Variants in FLT1 observed in about 807,000 individuals in gnomAD.
The protein encoded by FLT1 is vascular endothelial growth factor receptor 1.
A neutral mutation model predicts 156.3 loss-of-function variants in FLT1; 49 were observed. The ratio of observed to expected loss-of-function variants is 0.31; its 90% CI spans 0.25 to 0.40. The LOEUF is 0.40. FLT1 is among the 10% of genes least tolerant of loss of function. FLT1 has a pLI of 1.00. For synonymous variants in FLT1, 594 were observed against 583.8 expected, an observed-to-expected ratio of 1.02 and a Z score of -0.25; for missense variants, 1,322 against 1,637.2, an observed-to-expected ratio of 0.81 and a Z score of 3.32.
At chr13:28,337,159 T>G (rs1051770632) in intron 17 of FLT1, among the ~76,000 whole-genome samples, 3 of 152,096 alleles carry the variant, frequency 2.0e-5, no homozygotes, top group African/African-American at 7.2e-5. Flanking sequence ...CTTTTTTTTT[T>G]TTTTAAGATT....
rs913747759 is a variant in FLT1, at chr13:28,430,125, A to G, written c.1031T>C (p.Leu344Pro). 1 of 1,613,912 alleles carries G rather than the reference A, an allele frequency of 6.2e-7. No individual in the cohort carries two copies. Among genetic ancestry groups the G allele is most frequent in the Non-Finnish European group, 8.5e-7 (1 of 1,179,800 alleles). Residue 344 changes from leucine to proline, a missense_variant, in exon 8 of 30, where the codon CTT (leucine) becomes CCT (proline). Leu to Pro is a moderately conservative substitution (Grantham distance 98). Transcript: ENST00000282397. ...AGACCGCTTGCCAGCTACGGTTTCA[A>G]GCACCTGCTGTTTTCGATGTTTCAC... ...ITVKHRKQQVLETVAGKRSYR... is the reference protein window; with the variant it reads ...ITVKHRKQQVPETVAGKRSYR...
intron 14 of FLT1, among the ~76,000 whole-genome samples, chr13:28,382,374 G>A (rs1874115215): frequency 6.6e-6 from 1 of 152,184 alleles, no homozygotes; most frequent in African/African-American, 2.4e-5. Context: ...GGAATATAAA[G>A]TTATAAAATT....
chr13:28,311,447 AC>A, intron 27 of FLT1, 142 bp downstream of exon 27: 1 of 785,918 alleles, frequency 1.3e-6, no homozygotes. Context: ...GTGGTGATCA[AC>A]ATAATCTTTC....
At chr13:28,385,157 T>C (rs1874286284) in intron 13 of FLT1, 126 bp from the exon 14 acceptor site, 3 of 993,554 alleles carry the variant, frequency 3.0e-6, no homozygotes, top group Non-Finnish European at 4.7e-6. Context: ...TTTTCATTTG[T>C]TCACTTTCTC....
At position 28,301,172 on chromosome 13, in the gene FLT1, G is replaced by GA. The variant is rs34252053; in HGVS notation, c.*1994dup. ...ATTTGCTGGGCTATTATCTGATTTG[G>GA]AAAAAAAAAAAAAAGTAGAGAATTG... On this transcript the variant is annotated 3_prime_UTR_variant, in exon 30 of 30. Coordinates refer to ENST00000282397, the MANE Select transcript of FLT1 (RefSeq NM_002019.4). The GA allele has an allele frequency of 0.22, 45,281 of 206,534 alleles. 3,617 individuals are homozygous for GA. The highest frequency in any genetic ancestry group is 0.39 in the African/African-American group (16,620 of 42,916). The allele number at this position is 206,534 out of a possible 1,614,324, so 12.8% of individuals were successfully genotyped here. A position where few individuals can be genotyped will look rare whatever the true frequency, so the allele number is the denominator to read the frequency against.
At chr13:28,401,375 T>A (rs1007988535) in intron 11 of FLT1, among the ~76,000 whole-genome samples, 1 of 152,172 alleles carries the variant, frequency 6.6e-6, no homozygotes, top group Non-Finnish European at 1.5e-5. Context: ...TCTAGGCTCT[T>A]TGGTATGACC....
chr13:28,379,994 A>G (rs777775972), intron 14 of FLT1, among the ~76,000 whole-genome samples: 24 of 152,134 alleles, frequency 1.6e-4, no homozygotes, highest in Non-Finnish European at 2.9e-4. Flanking sequence ...TAACAATGAT[A>G]ATGGACTGGA....
intron 25 of FLT1, among the ~76,000 whole-genome samples, chr13:28,314,983 T>TG (rs1334976629): frequency 6.6e-6 from 1 of 152,186 alleles, no homozygotes; most frequent in African/African-American, 2.4e-5. Context: ...CTGAGTTATT[T>TG]GCGACCACAG....
Position 28,466,982 on chromosome 13 carries a change from G to A in FLT1, c.309C>T (p.Gly103=), listed in dbSNP as rs1436131769. The A allele has an allele frequency of 2.5e-6, 4 of 1,614,050 alleles. No individual in the cohort carries two copies. Among genetic ancestry groups the A allele is most frequent in the Non-Finnish European group, 2.5e-6 (3 of 1,179,900 alleles). The change falls in exon 3 of 30, where the codon GGC becomes GGT. Residue 103 remains glycine (G), a synonymous_variant. Transcript: ENST00000282397. ...TLNTAQANHT[G]FYSCKYLAVP... Reference sequence around the variant, plus strand: ...CAGCTAGATATTTGCAGCTGTAGAAGCCAGTGTGGTTTGCTTGAGCTGTGT... The same window carrying A: ...CAGCTAGATATTTGCAGCTGTAGAAACCAGTGTGGTTTGCTTGAGCTGTGT...
At chr13:28,344,460 A>G (rs1470890376) in intron 16 of FLT1, among the ~76,000 whole-genome samples, 1 of 149,130 alleles carries the variant, frequency 6.7e-6, no homozygotes, top group East Asian at 1.9e-4. Context: ...GGCTGATTAA[A>G]GCCAATCTCC....
chr13:28,352,343 A>G (rs184780565), intron 15 of FLT1, among the ~76,000 whole-genome samples: 45 of 152,308 alleles, frequency 3.0e-4, no homozygotes, highest in African/African-American at 9.9e-4. Context: ...AGTGCACTGC[A>G]TGTTCTATAA....
intron 1 of FLT1, among the ~76,000 whole-genome samples, chr13:28,494,307 C>T (rs1195375368): frequency 6.6e-6 from 1 of 152,246 alleles, no homozygotes. Context: ...CACCAAAGTC[C>T]CGGCCTCAGC....
intron 14 of FLT1, among the ~76,000 whole-genome samples, chr13:28,366,169 T>TA (rs1471929445): frequency 2.0e-5 from 3 of 152,222 alleles, no homozygotes; most frequent in African/African-American, 4.8e-5. Context: ...TCAACTTATA[T>TA]AGATCTACTG....
intron 29 of FLT1, 131 bp from the exon 30 acceptor site, chr13:28,303,499 C>CG (rs943510077): frequency 3.4e-5 from 27 of 789,994 alleles, no homozygotes; most frequent in Admixed American, 1.0e-4. Flanking sequence ...GGAACCCCCC[C>CG]CCCCTCAATT....
intron 19 of FLT1, among the ~76,000 whole-genome samples, chr13:28,329,012 G>A (rs555087898): frequency 1.2e-4 from 18 of 152,302 alleles, no homozygotes; most frequent in African/African-American, 4.1e-4. Flanking sequence ...TGCTACCTCT[G>A]TTGAGAGCTG....
Position 28,372,566 on chromosome 13 carries a change from G to GTATACATA in FLT1, c.2116+12318_2116+12319insTATGTATA, listed in dbSNP as rs1555232433. Reference sequence around the variant, plus strand: ...CATATATTCCTCGTTTAAATAAAATGTATATATATATATATATATATATAT... The same window carrying GTATACATA: ...CATATATTCCTCGTTTAAATAAAATGTATACATATATATATATATATATATATATATAT... On this transcript the variant is annotated intron_variant, in intron 14 of 29. Coordinates refer to ENST00000282397, the MANE Select transcript of FLT1 (RefSeq NM_002019.4). 8.7e-5 allele frequency among the ~76,000 whole-genome samples: 8 copies of GTATACATA among 91,458 alleles called. No homozygotes were observed. The Admixed American group carries it at 1.1e-3, about 12-fold the overall frequency. The allele number at this position is 91,458 out of a possible 152,430, so 60.0% of individuals were successfully genotyped here.
chr13:28,342,270 G>A (rs1236665801), intron 16 of FLT1, among the ~76,000 whole-genome samples: 1 of 152,110 alleles, frequency 6.6e-6, no homozygotes, highest in Non-Finnish European at 1.5e-5. Flanking sequence ...ACTAGGGCGG[G>A]CTGTTTTTCT....
chr13:28,311,082 T>A (rs531000104), intron 27 of FLT1, among the ~76,000 whole-genome samples: 23 of 152,190 alleles, frequency 1.5e-4, no homozygotes, highest in Middle Eastern at 3.4e-3. Flanking sequence ...CTCAGCCTCC[T>A]GAGTAGCTGG....
intron 3 of FLT1, among the ~76,000 whole-genome samples, chr13:28,457,374 A>C (rs545087187): frequency 1.3e-5 from 2 of 152,142 alleles, no homozygotes; most frequent in South Asian, 4.1e-4. Context: ...AGACCTAGTG[A>C]GTATCCGAAC....
Sources: allele counts gnomAD v4.1 joint callset (sites outside exome capture counted in the v4.1 genomes callset), GRCh38; gene constraint gnomAD v4.1.1; transcripts MANE v1.5; gene names NCBI Gene and HGNC (gene_info 2026-07-23, HGNC 2026-07-21).